CARD19: variants seen among roughly 807,000 people sequenced by gnomAD.
The protein encoded by CARD19 is caspase recruitment domain-containing protein 19.
CARD19 carries 25 observed loss-of-function variants against 24.1 expected under a neutral mutation model. The observed-to-expected ratio is 1.04, with a 90% CI of 0.76 to 1.45. CARD19 has a LOEUF of 1.45. Ranked by LOEUF, CARD19 falls within the 40% of genes most tolerant of loss-of-function variation. The probability of loss-of-function intolerance (pLI) is 0.00; values close to 1 mark genes in which losing one functional copy is unlikely to be tolerated. For synonymous variants in CARD19, 103 were observed against 104.9 expected (o/e 0.98, Z 0.11); for missense variants, 241 against 247.4 (o/e 0.97, Z 0.17).
At chr9:93,099,374 C>T (rs1023391179) in intron 1 of CARD19, among the ~76,000 whole-genome samples, 5 of 152,196 alleles carry the variant, frequency 3.3e-5, no homozygotes, top group Non-Finnish European at 7.3e-5. Flanking sequence ...GGCAGAACGT[C>T]TGAATATCAA....
intron 4 of CARD19, 52 bp downstream of exon 4, chr9:93,111,990 TTTA>T: frequency 6.3e-7 from 1 of 1,575,068 alleles, no homozygotes; most frequent in Non-Finnish European, 8.6e-7. Context: ...TCCCTCTCTC[TTTA>T]CCCTCCCCAG....
chr9:93,097,064 ACT>A (rs1486369840), intron 1 of CARD19, among the ~76,000 whole-genome samples: 1 of 152,070 alleles, frequency 6.6e-6, no homozygotes, highest in African/African-American at 2.4e-5. Flanking sequence ...AAACAGGGTG[ACT>A]CTGCCCTGTG....
intron 1 of CARD19, among the ~76,000 whole-genome samples, chr9:93,105,858 T>A (rs1827234176): frequency 6.6e-6 from 1 of 152,202 alleles, no homozygotes; most frequent in Non-Finnish European, 1.5e-5. Flanking sequence ...AAGTCCTGTT[T>A]CCTCATTTAT....
chr9:93,108,579 G>A (rs1564210508), intron 2 of CARD19, among the ~76,000 whole-genome samples: 2 of 152,258 alleles, frequency 1.3e-5, no homozygotes, highest in South Asian at 4.2e-4. Flanking sequence ...AGCCCTTGTC[G>A]CCAGATGGCC....
chr9:93,107,771 G>C lies in CARD19; in HGVS notation c.105G>C (p.Leu35=), dbSNP rs2130723251. 1 of 1,614,246 alleles carries C rather than the reference G, an allele frequency of 6.2e-7. No homozygotes were observed. The highest frequency in any genetic ancestry group is 2.2e-5 in the East Asian group (1 of 44,886). ...EQQVDRIILQ[L]NRYYPQILTN... Reference sequence around the variant, plus strand: ...AGGTGGACAGGATCATCCTCCAGCTGAACCGTTACTACCCACAGATCCTTA... The same window carrying C: ...AGGTGGACAGGATCATCCTCCAGCTCAACCGTTACTACCCACAGATCCTTA... The change falls in exon 2 of 6, where the codon CTG becomes CTC. Residue 35 remains leucine, a synonymous_variant. Coordinates refer to ENST00000375464, the MANE Select transcript of CARD19 (RefSeq NM_032310.5).
intron 1 of CARD19, among the ~76,000 whole-genome samples, chr9:93,101,990 C>T (rs1207003532): frequency 1.4e-5 from 2 of 139,634 alleles, no homozygotes; most frequent in African/African-American, 5.3e-5. Context: ...GAGACCAAGT[C>T]TCGCTCTGTT....
At chr9:93,099,298 G>A (rs1170001030) in intron 1 of CARD19, among the ~76,000 whole-genome samples, 1 of 152,218 alleles carries the variant, frequency 6.6e-6, no homozygotes, top group African/African-American at 2.4e-5. Flanking sequence ...CCTTGGGCGT[G>A]CTTTTGGACT....
intron 2 of CARD19, among the ~76,000 whole-genome samples, chr9:93,108,641 C>T (rs957185997): frequency 3.3e-5 from 5 of 152,190 alleles, no homozygotes; most frequent in East Asian, 3.8e-4. Context: ...AGAGGTGGTC[C>T]GAAGGCTCAA....
chr9:93,112,412 C>A, intron 5 of CARD19, 123 bp downstream of exon 5: 2 of 783,650 alleles, frequency 2.6e-6, no homozygotes, highest in Non-Finnish European at 4.2e-6. Context: ...CACACTTGTG[C>A]AGTGGGATGG....
At chr9:93,111,698 G>C in intron 3 of CARD19, 181 bp from the exon 4 acceptor site, 1 of 1,426,488 alleles carries the variant, frequency 7.0e-7, no homozygotes, top group Admixed American at 2.7e-5. Context: ...CCAGGAGTTG[G>C]AGCAGAGGAG....
rs571773885 is a variant in CARD19, at chr9:93,099,033, C to G, written c.7+2681C>G. On this transcript the variant is annotated intron_variant, in intron 1 of 5. Coordinates refer to ENST00000375464, the MANE Select transcript of CARD19 (RefSeq NM_032310.5). Reference sequence around the variant, plus strand: ...TCTTCTGCCTTAGCCTCCTGAGTAGCTGGCTCAGCCTTCTGAGTAGCTGGG... The same window carrying G: ...TCTTCTGCCTTAGCCTCCTGAGTAGGTGGCTCAGCCTTCTGAGTAGCTGGG... 1.4e-4 allele frequency among the ~76,000 whole-genome samples: 22 copies of G among 152,110 alleles called. 1 individual carries two copies. Among genetic ancestry groups the G allele is most frequent in the Non-Finnish European group, 2.6e-4 (18 of 68,010 alleles).
At chr9:93,103,505 G>A (rs924281225) in intron 1 of CARD19, among the ~76,000 whole-genome samples, 3 of 152,034 alleles carry the variant, frequency 2.0e-5, no homozygotes, top group Non-Finnish European at 4.4e-5. Flanking sequence ...TTGTTATTTT[G>A]TATTGCTTTT....
At chr9:93,112,966 C>G in intron 5 of CARD19, 26 bp from the exon 6 acceptor site, 4 of 1,542,414 alleles carry the variant, frequency 2.6e-6, no homozygotes, top group South Asian at 1.2e-5. Flanking sequence ...GGTTCTTGAG[C>G]TTTTGCCTCC....
rs755984950 is a variant in CARD19 at position 93,107,834 on chromosome 9, G to A, written c.150+18G>A. On this transcript the variant is annotated intron_variant, in intron 2 of 5. Coordinates refer to ENST00000375464, the MANE Select transcript of CARD19 (RefSeq NM_032310.5). ...CGGAAAAGGTGCTGAGGAGGTGAGGGGGGTACCCGAGACACTGCTCAGTTT... is the reference window on the plus strand; with the variant it reads ...CGGAAAAGGTGCTGAGGAGGTGAGGAGGGTACCCGAGACACTGCTCAGTTT... 2 of 1,613,936 alleles carry A rather than the reference G, an allele frequency of 1.2e-6. No individual in the cohort carries two copies. Among genetic ancestry groups the A allele is most frequent in the African/African-American group, 1.3e-5 (1 of 74,938 alleles).
intron 5 of CARD19, among the ~76,000 whole-genome samples, chr9:93,112,786 C>CA (rs1230356970): frequency 2.6e-5 from 4 of 152,324 alleles, no homozygotes; most frequent in African/African-American, 7.2e-5. Context: ...TGGCAGGACT[C>CA]AAAGGCCCGT....
intron 2 of CARD19, chr9:93,108,868 C>T (rs13286624): frequency 0.16 from 23,856 of 152,322 alleles, 2,386 homozygotes; most frequent in Non-Finnish European, 0.23. Flanking sequence ...GTCTGTTCTG[C>T]TCCATCACCC....
chr9:93,111,639 C>T, intron 3 of CARD19: 1 of 1,380,416 alleles, frequency 7.2e-7, no homozygotes, highest in Non-Finnish European at 9.4e-7. Flanking sequence ...GCCTTGGCCC[C>T]ACTGGAGGTA....
chr9:93,112,358 C>A, intron 5 of CARD19, 69 bp downstream of exon 5: 1 of 1,409,290 alleles, frequency 7.1e-7, no homozygotes, highest in Admixed American at 2.0e-5. Flanking sequence ...GGCCCCAGAC[C>A]CTGCCCAATT....
intron 1 of CARD19, among the ~76,000 whole-genome samples, chr9:93,104,348 C>G (rs960314062): frequency 1.3e-5 from 2 of 152,146 alleles, no homozygotes; most frequent in African/African-American, 4.8e-5. Context: ...TCAAGTGACT[C>G]TTCTGCCTCT....
Sources: allele counts gnomAD v4.1 joint callset (sites outside exome capture counted in the v4.1 genomes callset), GRCh38; gene constraint gnomAD v4.1.1; transcripts MANE v1.5; gene names NCBI Gene and HGNC (gene_info 2026-07-23, HGNC 2026-07-21).